The following PRAM1 variants were observed in gnomAD, a reference collection of about 807,000 sequenced individuals.
The protein encoded by PRAM1 is PML-RARA regulated adaptor molecule 1, also known as PML-RARA-regulated adapter molecule 1.
In PRAM1, 41 loss-of-function variants were observed where a neutral mutation model predicts 55.3. The observed-to-expected ratio is 0.74, with a 90% CI of 0.58 to 0.96. The LOEUF (loss-of-function observed/expected upper bound fraction) is 0.96, where lower values mean the gene tolerates loss of function less well. Ranked by LOEUF, PRAM1 falls within the 40% of genes least tolerant of loss-of-function variation. The pLI is 0.00. For synonymous variants in PRAM1, 401 were observed against 387.1 expected (o/e 1.04, Z -0.42); for missense variants, 898 against 892.7 (o/e 1.01, Z -0.08).
chr19:8,496,972 G>A (rs867456123), intron 4 of PRAM1, among the ~76,000 whole-genome samples: 2 of 152,212 alleles, frequency 1.3e-5, no homozygotes, highest in South Asian at 4.1e-4. Context: ...CTTGCAGTGA[G>A]CTGAGATTGC....
Position 8,499,102 on chromosome 19 carries a change from G to A in PRAM1, c.706C>T (p.Leu236Phe). The A allele has an allele frequency of 6.2e-7, 1 of 1,613,684 alleles. No homozygotes were observed. Among genetic ancestry groups the A allele is most frequent in the Non-Finnish European group, 8.5e-7 (1 of 1,179,788 alleles). ...KKPPQPQVGG[L>F]PKKSVPQPEF... ...GGCTGCGGCACGGACTTCTTAGGGA[G>A]GCCACCGACCTGAGGCTGCGGAGGC... The change falls in exon 2 of 10, where the codon CTC (leucine) becomes TTC (phenylalanine). Residue 236 changes from leucine (L) to phenylalanine (F), a missense_variant. Physicochemically the swap from Leu to Phe is conservative, Grantham distance 22. This residue lies in a region of PRAM1 where 787 missense variants were observed against 735.4 expected (regional missense o/e 1.07). Transcript: ENST00000423345.
intron 4 of PRAM1, among the ~76,000 whole-genome samples, chr19:8,497,246 A>T (rs1347622114): frequency 6.9e-6 from 1 of 145,182 alleles, no homozygotes; most frequent in Non-Finnish European, 1.5e-5. Context: ...TCACAGCCTC[A>T]CTGCAGTCTG....
At chr19:8,500,061 C>G (rs1425961230) in intron 1 of PRAM1, among the ~76,000 whole-genome samples, 1 of 150,774 alleles carries the variant, frequency 6.6e-6, no homozygotes, top group Non-Finnish European at 1.5e-5. Flanking sequence ...GCCCTCCCCC[C>G]ATGGGTGGTA....
Position 8,490,618 on chromosome 19 carries a change from G to A in PRAM1, c.1882C>T (p.Leu628=), listed in dbSNP as rs1429588077. ...CATTTGCCTTTGGGGTCCCGGCACA[G>A]CATCTCCTCATTGCTGGTGAACTCG... ...VIEFTSNEEM[L]CRDPKGKYGY... The change falls in exon 7 of 10, where the codon CTG becomes TTG. Residue 628 remains leucine, a synonymous_variant. Transcript: ENST00000423345. The surrounding 1 kb of genome is among the most constrained non-coding windows in gnomAD (Gnocchi z 7.3). 15 of 1,585,054 alleles carry A rather than the reference G, an allele frequency of 9.5e-6. 1 individual carries two copies. The South Asian group carries it at 1.7e-4, about 18-fold the overall frequency.
Position 8,499,028 on chromosome 19 carries a change from G to A in PRAM1, c.780C>T (p.Ser260=), listed in dbSNP as rs80155757. Residue 260 remains serine, a synonymous_variant, in exon 2 of 10, where the codon AGC becomes AGT. Coordinates refer to ENST00000423345, the MANE Select transcript of PRAM1 (RefSeq NM_032152.5). ...AQTPLWKPQS[S]EPKRDSSAFP... ...AGGCGCTGGAGTCGCGCTTCGGCTC[G>A]CTGGACTGAGGCTTCCAGAGGGGAG... 1.9e-6 allele frequency: 3 copies of A among 1,613,578 alleles called. No homozygotes were observed. Among genetic ancestry groups the A allele is most frequent in the South Asian group, 1.1e-5 (1 of 91,062 alleles).
Position 8,499,481 on chromosome 19 carries a change from C to T in PRAM1, c.327G>A (p.Pro109=), listed in dbSNP as rs750574884. The change falls in exon 2 of 10, where the codon CCG becomes CCA. Residue 109 remains proline (P), a synonymous_variant. Transcript: ENST00000423345. The stretch of plus-strand genomic sequence containing the variant: ...TCTTGGGGAGGTCAGTGACCTCAGG[C>T]GGCGGGGGCTTCTTGGGGAGGTCAG... ...EVTDLPKKPP[P]PEVTDLPKKP... is the part of the protein sequence containing the mutation. 8.7e-6 allele frequency: 14 copies of T among 1,607,326 alleles called. No individual in the cohort carries two copies. The highest frequency in any genetic ancestry group is 1.1e-5 in the South Asian group (1 of 90,662).
Position 8,498,523 on chromosome 19 carries a change from C to A in PRAM1, c.1285G>T (p.Ala429Ser). Residue 429 changes from alanine (A) to serine (S), a missense_variant, in exon 2 of 10, where the codon GCC becomes TCC. Physicochemically the swap from Ala to Ser is moderately conservative, Grantham distance 99. Transcript: ENST00000423345. ...RSGGLVHSGG[A>S]RPGLRPSHPP... Reference sequence around the variant, plus strand: ...TGGCTGGGTCTGAGGCCTGGCCTGGCCCCTCCACTGTGAACCAGGCCTCCT... The same window carrying A: ...TGGCTGGGTCTGAGGCCTGGCCTGGACCCTCCACTGTGAACCAGGCCTCCT... 6.2e-7 allele frequency: 1 copy of A among 1,605,896 alleles called. No homozygotes were observed. The highest frequency in any genetic ancestry group is 8.5e-7 in the Non-Finnish European group (1 of 1,176,406).
Position 8,498,445 on chromosome 19 carries a change from C to G in PRAM1, c.1363G>C (p.Ala455Pro). 2 of 1,581,998 alleles carry G rather than the reference C, an allele frequency of 1.3e-6. No homozygotes were observed. Among genetic ancestry groups the G allele is most frequent in the Non-Finnish European group, 1.7e-6 (2 of 1,163,852 alleles). ...GGCCCCGGGGGCAGCGGGGGCTTGG[C>G]TGGAGGGTGTCCCAGGCTGCTGGCA... ...PPASSLGHPP[A>P]KPPLPPGPVD... The change falls in exon 2 of 10, where the codon GCC (alanine) becomes CCC (proline). Residue 455 changes from alanine (A) to proline (P), a missense_variant. Physicochemically the swap from Ala to Pro is conservative, Grantham distance 27. Around this residue, in one of 4 missense-constraint regions of PRAM1, gnomAD observed 787 missense variants for 735.4 expected, o/e 1.07. Coordinates refer to ENST00000423345, the MANE Select transcript of PRAM1 (RefSeq NM_032152.5).
Position 8,499,489 on chromosome 19 carries a change from G to A in PRAM1, c.319C>T (p.Pro107Ser), listed in dbSNP as rs200799156. The A allele has an allele frequency of 1.1e-4, 171 of 1,596,554 alleles. No individual in the cohort carries two copies. The highest frequency in any genetic ancestry group is 1.3e-4 in the Non-Finnish European group (155 of 1,174,804). The change falls in exon 2 of 10, where the codon CCC (proline) becomes TCC (serine). Residue 107 changes from proline to serine, a missense_variant. Around this residue, in one of 4 missense-constraint regions of PRAM1, gnomAD observed 30 missense variants for 44.6 expected, o/e 0.67. Transcript: ENST00000423345. Reference sequence around the variant, plus strand: ...AGGTCAGTGACCTCAGGCGGCGGGGGCTTCTTGGGGAGGTCAGTGACCTCA... The same window carrying A: ...AGGTCAGTGACCTCAGGCGGCGGGGACTTCTTGGGGAGGTCAGTGACCTCA... ...PPEVTDLPKK[P>S]PPPEVTDLPK...
intron 1 of PRAM1, among the ~76,000 whole-genome samples, chr19:8,500,968 G>A (rs756929702): frequency 1.3e-5 from 2 of 151,930 alleles, no homozygotes; most frequent in Admixed American, 6.6e-5. Context: ...GTTTCACCAC[G>A]TTGGCCAGGC....
chr19:8,500,857 C>T (rs543677912), intron 1 of PRAM1, among the ~76,000 whole-genome samples: 3 of 152,230 alleles, frequency 2.0e-5, no homozygotes, highest in South Asian at 4.1e-4. Flanking sequence ...TCTCCACTTC[C>T]CAGGTTCAAA....
At position 8,491,100 on chromosome 19, in the gene PRAM1, C is replaced by T; in HGVS notation, c.1634G>A (p.Arg545Lys). The T allele has an allele frequency of 6.2e-7, 1 of 1,612,342 alleles. No individual in the cohort carries two copies. The change falls in exon 5 of 10, where the codon AGG (arginine) becomes AAG (lysine). Residue 545 changes from arginine (R) to lysine (K), a missense_variant and splice_region_variant. Coordinates refer to ENST00000423345, the MANE Select transcript of PRAM1 (RefSeq NM_032152.5). ...TGCCCACCCCCTCTGCCCATGGCAC[C>T]TGAGCGCTGGGTCTTGTGGTGGCCT... Reference protein sequence around the residue: ...ARRPPQDPALRKEKDPQPQQL... With the variant: ...ARRPPQDPALKKEKDPQPQQL...
At chr19:8,502,475 C>CCCCCCA in intron 1 of PRAM1, 90 bp downstream of exon 1, 1 of 528,962 alleles carries the variant, frequency 1.9e-6, no homozygotes, top group Non-Finnish European at 3.4e-6. Context: ...CCCCCCCGCC[C>CCCCCCA]GCCCCTCCAC....
At chr19:8,499,942 C>T (rs1360365639) in intron 1 of PRAM1, among the ~76,000 whole-genome samples, 162 bp from the exon 2 acceptor site, 1 of 149,732 alleles carries the variant, frequency 6.7e-6, no homozygotes, top group Non-Finnish European at 1.5e-5. Context: ...TCCTAGGATC[C>T]TGGGACCGAC....
Position 8,490,320 on chromosome 19 carries a change from C to T in PRAM1, c.1975+18G>A, listed in dbSNP as rs557189659. ...GAATCGCCAGGGTCCCTCCAGCCCT[C>T]CCAGAGTGTCCACGTACCGCAGAAG... On this transcript the variant is annotated intron_variant, in intron 9 of 9. Transcript: ENST00000423345. The surrounding 1 kb of genome is among the most constrained non-coding windows in gnomAD (Gnocchi z 7.3). 2 of 1,613,982 alleles carry T rather than the reference C, an allele frequency of 1.2e-6. No individual in the cohort carries two copies. Among genetic ancestry groups the T allele is most frequent in the South Asian group, 1.1e-5 (1 of 91,088 alleles).
chr19:8,497,718 C>A (rs750382959), intron 4 of PRAM1, 46 bp downstream of exon 4: 2 of 1,527,516 alleles, frequency 1.3e-6, no homozygotes, highest in Non-Finnish European at 1.8e-6. Context: ...AGAAAATGGC[C>A]TTGCCCCGAA....
rs201237549 is a variant in PRAM1 at position 8,499,119 on chromosome 19, T to C, written c.689A>G (p.Gln230Arg). The C allele has an allele frequency of 5.2e-4, 839 of 1,613,482 alleles. 6 individuals carry two copies. The African/African-American group carries it at 9.8e-3, about 19-fold the overall frequency. ...CTTAGGGAGGCCACCGACCTGAGGC[T>C]GCGGAGGCTTTTTGGGGTACACGTT... is the stretch of plus-strand genomic sequence containing the variant. Reference protein sequence around the residue: ...EFNVYPKKPPQPQVGGLPKKS... With the variant: ...EFNVYPKKPPRPQVGGLPKKS... The change falls in exon 2 of 10, where the codon CAG (glutamine) becomes CGG (arginine). Residue 230 changes from glutamine to arginine, a missense_variant. Physicochemically the swap from Gln to Arg is conservative, Grantham distance 43. Around this residue, in one of 4 missense-constraint regions of PRAM1, gnomAD observed 787 missense variants for 735.4 expected, o/e 1.07. Coordinates refer to ENST00000423345, the MANE Select transcript of PRAM1 (RefSeq NM_032152.5).
chr19:8,501,296 T>C (rs566165386), intron 1 of PRAM1, among the ~76,000 whole-genome samples: 55 of 148,328 alleles, frequency 3.7e-4, no homozygotes, highest in Middle Eastern at 3.8e-3. Context: ...GGTTTTACCA[T>C]GTTGGCCAGG....
chr19:8,499,940 T>C (rs1971782930), intron 1 of PRAM1, among the ~76,000 whole-genome samples, 160 bp from the exon 2 acceptor site: 1 of 146,250 alleles, frequency 6.8e-6, no homozygotes, highest in Non-Finnish European at 1.5e-5. Flanking sequence ...GATCCTAGGA[T>C]CCTGGGACCG....
Sources: gnomAD v4.1 joint callset for allele counts (sites outside exome capture counted in the v4.1 genomes callset) on GRCh38, gnomAD v4.1.1 for gene constraint, gnomAD v4.1.1 regional missense constraint, Gnocchi (gnomAD v3.1) non-coding constraint, MANE v1.5 for transcripts, NCBI Gene and HGNC (gene_info 2026-07-23, HGNC 2026-07-21) for gene names.